AMPD2: variants seen among roughly 807,000 people sequenced by gnomAD.
AMPD2 encodes adenosine monophosphate deaminase 2.
A neutral mutation model predicts 91.3 loss-of-function variants in AMPD2; 52 were observed. The observed-to-expected ratio is 0.57, with a 90% confidence interval of 0.46 to 0.72. The LOEUF (loss-of-function observed/expected upper bound fraction) is 0.72. Among genes scored for constraint, AMPD2 ranks in the 30% least tolerant of loss-of-function variants. AMPD2 has a pLI of 0.00. For synonymous variants in AMPD2, 455 were observed against 456.4 expected (o/e 1.00, Z 0.04); for missense variants, 822 against 1,122.3 (o/e 0.73, Z 3.82).
chr1:109,621,534 T>A (rs1650274924), intron 2 of AMPD2: 1 of 582,956 alleles, frequency 1.7e-6, no homozygotes, highest in Non-Finnish European at 3.1e-6. Context: ...GAGGTGTGTA[T>A]GCACACGTGT....
chr1:109,620,536 C>A, intron 1 of AMPD2: 1 of 1,254,716 alleles, frequency 8.0e-7, no homozygotes, highest in Middle Eastern at 3.1e-4. Context: ...AGCTATTTGG[C>A]GACGGTGGAA....
chr1:109,629,052 T>A, intron 13 of AMPD2, 57 bp from the exon 14 acceptor site: 1 of 1,599,060 alleles, frequency 6.3e-7, no homozygotes, highest in Non-Finnish European at 8.5e-7. Context: ...GCTGGACCGC[T>A]GGGTTTCCTC....
At position 109,620,130 on chromosome 1, in the gene AMPD2, C is replaced by A; in HGVS notation, c.-411C>A. On this transcript the variant is annotated 5_prime_UTR_variant, in exon 1 of 19. Coordinates refer to ENST00000528667, the MANE Select transcript of AMPD2 (RefSeq NM_001368809.2). ...AATTTTGAAAGACTGCCTTACTTTC[C>A]CCATCTCAGTGCCAGGGCAGGGGCC... 1 of 1,219,694 alleles carries A rather than the reference C, an allele frequency of 8.2e-7. No individual in the cohort carries two copies. The highest frequency in any genetic ancestry group is 1.2e-5 in the South Asian group (1 of 81,608). The allele number at this position is 1,219,694 out of a possible 1,614,324, so 75.6% of individuals were successfully genotyped here.
At position 109,619,979 on chromosome 1, in the gene AMPD2, C is replaced by G; in HGVS notation, c.-562C>G. 2.1e-6 allele frequency: 1 copy of G among 479,426 alleles called. No individual in the cohort carries two copies. Among genetic ancestry groups the G allele is most frequent in the East Asian group, 4.1e-5 (1 of 24,182 alleles). 29.7% of individuals were successfully genotyped at this position (479,426 alleles called of 1,614,324 possible). A position where few individuals can be genotyped will look rare whatever the true frequency, so the allele number is the denominator to read the frequency against. ...AGAAATCTGGACGAGTTTCGGGTCC[C>G]GCTCCCTTGGGAGCACGTGGCCTAC... On this transcript the variant is annotated 5_prime_UTR_variant, in exon 1 of 19. Transcript: ENST00000528667.
chr1:109,620,687 GC>G, intron 1 of AMPD2: 1 of 1,209,616 alleles, frequency 8.3e-7, no homozygotes. Context: ...TGCCTGCCCT[GC>G]CCCGGGAGGA....
rs1651260994 is a variant in AMPD2, at chr1:109,631,444, G to C, written c.*292G>C. The C allele has an allele frequency of 2.0e-6, 1 of 503,580 alleles. No homozygotes were observed. The highest frequency in any genetic ancestry group is 3.6e-6 in the Non-Finnish European group (1 of 277,062). 31.2% of individuals were successfully genotyped at this position (503,580 alleles called of 1,614,324 possible). On this transcript the variant is annotated 3_prime_UTR_variant, in exon 19 of 19. Transcript: ENST00000528667. ...CCTGACTGTCCTATGGGCTTCTCCA[G>C]TGTCCACAGGGGCTTGGGATGGTTG... is the stretch of plus-strand genomic sequence containing the variant.
intron 16 of AMPD2, 137 bp downstream of exon 16, chr1:109,630,053 C>T (rs1651079895): frequency 7.0e-7 from 1 of 1,432,606 alleles, no homozygotes; most frequent in Non-Finnish European, 9.5e-7. Flanking sequence ...TACCCTTCCC[C>T]ACCCCAGCCT....
chr1:109,622,376 G>A (rs1570577562), intron 2 of AMPD2: 1 of 447,334 alleles, frequency 2.2e-6, no homozygotes, highest in Middle Eastern at 3.4e-4. Context: ...GATACTTGTG[G>A]GGTCAAAGCC....
At chr1:109,623,981 G>T in intron 2 of AMPD2, 2 of 985,514 alleles carry the variant, frequency 2.0e-6, no homozygotes, top group African/African-American at 3.5e-5. Context: ...GCTTGCAGCT[G>T]CACTTGGTAC....
chr1:109,627,409 C>G lies in AMPD2; in HGVS notation c.861-20C>G, dbSNP rs968059725. 20 of 1,613,976 alleles carry G rather than the reference C, an allele frequency of 1.2e-5. No homozygotes were observed. Among genetic ancestry groups the G allele is most frequent in the Non-Finnish European group, 1.7e-5 (20 of 1,179,988 alleles). On this transcript the variant is annotated intron_variant, in intron 8 of 18. Transcript: ENST00000528667. ...CAGGGCTCGGCTTGCTCTCCTCACC[C>G]AAGCTCCCCTCCATGCCAGTTGCTC...
At position 109,624,421 on chromosome 1, in the gene AMPD2, C is replaced by T. The variant is rs779773250; in HGVS notation, c.92-882C>T. ...CAGCCCCCATAGACCAGCAGCTTCACGGCCCTCTGGTGCCAGCCTCCTCGT... is the reference window on the plus strand; with the variant it reads ...CAGCCCCCATAGACCAGCAGCTTCATGGCCCTCTGGTGCCAGCCTCCTCGT... On this transcript the variant is annotated intron_variant, in intron 2 of 18. Coordinates refer to ENST00000528667, the MANE Select transcript of AMPD2 (RefSeq NM_001368809.2). The surrounding 1 kb of genome is among the most constrained non-coding windows in gnomAD (Gnocchi z 5.2). Among the ~76,000 whole-genome samples the T allele has an allele frequency of 3.9e-5, 6 of 152,302 alleles. No individual in the cohort carries two copies. Among genetic ancestry groups the T allele is most frequent in the Admixed American group, 6.5e-5 (1 of 15,308 alleles).
intron 1 of AMPD2, 152 bp from the exon 2 acceptor site, chr1:109,620,762 C>CTAGCTG: frequency 7.8e-7 from 1 of 1,278,774 alleles, no homozygotes; most frequent in Non-Finnish European, 9.9e-7. Context: ...TTCTTCCAGG[C>CTAGCTG]TAGCTGGAAG....
In AMPD2 at chr1:109,628,383, G is replaced by A. The variant is rs903900201; in HGVS notation, c.1295G>A (p.Arg432His). 1.2e-6 allele frequency: 2 copies of A among 1,614,040 alleles called. No individual in the cohort carries two copies. Among genetic ancestry groups the A allele is most frequent in the Non-Finnish European group, 1.7e-6 (2 of 1,180,024 alleles). The stretch of plus-strand genomic sequence containing the variant: ...CCCCAGGACAGGAACACTTTCCATC[G>A]CTTTGACAAGTTTAATGCCAAATAC... ...DVHADRNTFHRFDKFNAKYNP... is the reference protein window; with the variant it reads ...DVHADRNTFHHFDKFNAKYNP... The change falls in exon 12 of 19, where the codon CGC becomes CAC. Residue 432 changes from arginine to histidine, a missense_variant. Arg to His is a conservative substitution (Grantham distance 29). This residue lies in a region of AMPD2 where 430 missense variants were observed against 606.0 expected (regional missense o/e 0.71). Coordinates refer to ENST00000528667, the MANE Select transcript of AMPD2 (RefSeq NM_001368809.2). This position sits in a 1 kb window ranked among gnomAD's most constrained non-coding sequence, Gnocchi z 7.1.
chr1:109,631,560 G>GA lies in AMPD2; in HGVS notation c.*408_*409insA. On this transcript the variant is annotated 3_prime_UTR_variant, in exon 19 of 19. Transcript: ENST00000528667. Reference sequence around the variant, plus strand: ...AAGTTTAGGCCCCTGTCTTGTTCATGTAGCCGAGGGGCAGGCGGGGGACCT... The same window carrying GA: ...AAGTTTAGGCCCCTGTCTTGTTCATGATAGCCGAGGGGCAGGCGGGGGACCT... The GA allele has an allele frequency of 2.2e-5, 6 of 276,408 alleles. No homozygotes were observed. Among genetic ancestry groups the GA allele is most frequent in the South Asian group, 7.6e-5 (2 of 26,430 alleles). The allele number at this position is 276,408 out of a possible 1,614,324, so 17.1% of individuals were successfully genotyped here. A position where few individuals can be genotyped will look rare whatever the true frequency, so the allele number is the denominator to read the frequency against.
In AMPD2 at chr1:109,629,822, T is replaced by G; in HGVS notation, c.1889T>G (p.Leu630Arg). 6.2e-7 allele frequency: 1 copy of G among 1,609,792 alleles called. No individual in the cohort carries two copies. Among genetic ancestry groups the G allele is most frequent in the South Asian group, 1.1e-5 (1 of 90,796 alleles). Residue 630 changes from leucine (L) to arginine (R), a missense_variant, in exon 16 of 19, where the codon CTG (leucine) becomes CGG (arginine). Coordinates refer to ENST00000528667, the MANE Select transcript of AMPD2 (RefSeq NM_001368809.2). ...CAGAGGGGCTTCCACACGTTTGTGCTGAGGCCACACTGTGGGGAGGCTGGG... is the reference window on the plus strand; with the variant it reads ...CAGAGGGGCTTCCACACGTTTGTGCGGAGGCCACACTGTGGGGAGGCTGGG... ...RRQRGFHTFV[L>R]RPHCGEAGPI...
Position 109,628,622 on chromosome 1 carries a change from C to T in AMPD2, c.1408-21C>T, listed in dbSNP as rs1650930951. On this transcript the variant is annotated intron_variant, in intron 12 of 18. Coordinates refer to ENST00000528667, the MANE Select transcript of AMPD2 (RefSeq NM_001368809.2). This position sits in a 1 kb window ranked among gnomAD's most constrained non-coding sequence, Gnocchi z 7.1. ...CTGACTCAGCTCACCTCATGTCTGA[C>T]TCAGCTCACCTCATGTCTAGGAGGT... The T allele has an allele frequency of 6.2e-7, 1 of 1,611,968 alleles. No homozygotes were observed. The highest frequency in any genetic ancestry group is 8.5e-7 in the Non-Finnish European group (1 of 1,178,640).
chr1:109,621,439 T>TGGGGGGGGGGGGGGGTGGGG, intron 2 of AMPD2, 173 bp downstream of exon 2: 1 of 121,628 alleles, frequency 8.2e-6, no homozygotes, highest in Non-Finnish European at 1.7e-5. Context: ...TGAGGGGTGG[T>TGGGGGGGGGGGGGGGTGGGG]GGGGGGCGGG....
rs777909141 is a variant in AMPD2, at chr1:109,627,282, G to A, written c.826G>A (p.Val276Met). Residue 276 changes from valine (V) to methionine (M), a missense_variant, in exon 8 of 19, where the codon GTG becomes ATG. Around this residue, in one of 5 missense-constraint regions of AMPD2, gnomAD observed 240 missense variants for 270.3 expected, o/e 0.89. Transcript: ENST00000528667. ...GLGLRMVRGV[V>M]HVYTRREPDE... ...GGGTCTGCGCATGGTGCGGGGTGTG[G>A]TGCACGTCTACACCCGCAGGGAACC... is the stretch of plus-strand genomic sequence containing the variant. 5.6e-6 allele frequency: 9 copies of A among 1,606,892 alleles called. No homozygotes were observed. Among genetic ancestry groups the A allele is most frequent in the Middle Eastern group, 1.7e-4 (1 of 6,030 alleles).
At chr1:109,626,979 G>A in intron 7 of AMPD2, 67 bp downstream of exon 7, 2 of 1,561,846 alleles carry the variant, frequency 1.3e-6, no homozygotes, top group Middle Eastern at 2.1e-4. Flanking sequence ...CCTGGTGCCT[G>A]GGCACCTCTG....
Sources: gnomAD v4.1 joint callset for allele counts (sites outside exome capture counted in the v4.1 genomes callset) on GRCh38, gnomAD v4.1.1 for gene constraint, gnomAD v4.1.1 regional missense constraint, Gnocchi (gnomAD v3.1) non-coding constraint, MANE v1.5 for transcripts, NCBI Gene and HGNC (gene_info 2026-07-23, HGNC 2026-07-21) for gene names.